PSD3: variants seen among roughly 807,000 people sequenced by gnomAD.
The protein encoded by PSD3 is pleckstrin and Sec7 domain containing 3.
In PSD3, 49 loss-of-function variants were observed where a neutral mutation model predicts 105.5. The ratio of observed to expected loss-of-function variants is 0.46; its 90% confidence interval spans 0.37 to 0.59. PSD3 has a LOEUF of 0.59. Among genes scored for constraint, PSD3 ranks in the 20% least tolerant of loss-of-function variants. The pLI, the probability that PSD3 is intolerant of heterozygous loss-of-function variation, is 0.00. For missense variants in PSD3, 1,561 were observed against 1,263.8 expected (o/e 1.24, Z -3.57); for synonymous variants, 557 against 457.8 (o/e 1.22, Z -2.77).
At chr8:19,049,484 G>C (rs1828440677) in intron 1 of PSD3, among the ~76,000 whole-genome samples, 1 of 152,052 alleles carries the variant, frequency 6.6e-6, no homozygotes, top group East Asian at 1.9e-4. Flanking sequence ...GAGGCCAGAA[G>C]TTCAGGACCA....
At position 18,787,361 on chromosome 8, in the gene PSD3, G is replaced by T. The variant is rs548619240; in HGVS notation, c.2082+11934C>A. Among the ~76,000 whole-genome samples the T allele has an allele frequency of 1.5e-4, 23 of 152,234 alleles. 1 individual carries two copies. In the South Asian group the frequency reaches 3.9e-3, roughly 26 times the overall value. Reference sequence around the variant, plus strand: ...TGATGCATTGAGAGGTACAGAAATGGTACCTTGAAATCAATATATTTTCTA... The same window carrying T: ...TGATGCATTGAGAGGTACAGAAATGTTACCTTGAAATCAATATATTTTCTA... On this transcript the variant is annotated intron_variant, in intron 8 of 15. Transcript: ENST00000327040.
chr8:18,872,388 T>A lies in PSD3; in HGVS notation c.476A>T (p.Asp159Val). Reference protein sequence around the residue: ...TLQATKVLDQDAVSSFSVQQV... With the variant: ...TLQATKVLDQVAVSSFSVQQV... ...CTGAACTGAAAAACTAGAAACAGCA[T>A]CTTGGTCCAGTACCTTTGTAGCCTG... The change falls in exon 3 of 16, where the codon GAT (aspartate) becomes GTT (valine). Residue 159 changes from aspartate (D) to valine (V), a missense_variant. Transcript: ENST00000327040. 1 of 1,614,178 alleles carries A rather than the reference T, an allele frequency of 6.2e-7. No homozygotes were observed. Among genetic ancestry groups the A allele is most frequent in the Non-Finnish European group, 8.5e-7 (1 of 1,180,028 alleles).
At chr8:18,893,532 A>G (rs1238633699) in intron 2 of PSD3, among the ~76,000 whole-genome samples, 1 of 152,016 alleles carries the variant, frequency 6.6e-6, no homozygotes, top group African/African-American at 2.4e-5. Context: ...TTCTTCAAAC[A>G]GTCTAGTTTC....
intron 9 of PSD3, chr8:18,684,243 CACACACA>C (rs761688778): frequency 1.0e-4 from 21 of 210,808 alleles, no homozygotes; most frequent in South Asian, 1.4e-4. Flanking sequence ...CACACACACA[CACACACA>C]CCCCATCATA....
rs1799671355 is a variant in PSD3 at position 18,532,435 on chromosome 8, T to TC, written c.*3307_*3308insG. ...TCATTTTCTAGATTAGGATAACAGT[T>TC]GGAGACGCATAGAGGGTCTTGTGTT... On this transcript the variant is annotated 3_prime_UTR_variant, in exon 16 of 16. Transcript: ENST00000327040. 6.6e-6 allele frequency: 1 copy of TC among 152,198 alleles called. No individual in the cohort carries two copies. Among genetic ancestry groups the TC allele is most frequent in the Non-Finnish European group, 1.5e-5 (1 of 68,042 alleles). The allele number at this position is 152,198 out of a possible 1,614,324, so 9.4% of individuals were successfully genotyped here. A position where few individuals can be genotyped will look rare whatever the true frequency, so the allele number is the denominator to read the frequency against.
Position 18,592,689 on chromosome 8 carries a change from A to AAAAC in PSD3, c.2481+7671_2481+7674dup, listed in dbSNP as rs548763897. ...TGATGATATGTTCAAGGTGCTCAAA[A>AAAAC]AAACAAACAAACAAACAAACAAACA... On this transcript the variant is annotated intron_variant, in intron 12 of 15. Transcript: ENST00000327040. 1.8e-3 allele frequency among the ~76,000 whole-genome samples: 267 copies of AAAAC among 145,630 alleles called. 1 individual carries two copies. Among genetic ancestry groups the AAAAC allele is most frequent in the East Asian group, 3.9e-3 (20 of 5,186 alleles).
At chr8:18,560,229 GCAA>G (rs775791430) in intron 14 of PSD3, among the ~76,000 whole-genome samples, 20 of 145,702 alleles carry the variant, frequency 1.4e-4, no homozygotes, top group Non-Finnish European at 2.4e-4. Flanking sequence ...AACAACAACA[GCAA>G]CAACAACAAA....
chr8:18,539,716 T>C (rs1304994805), intron 15 of PSD3, among the ~76,000 whole-genome samples: 1 of 151,790 alleles, frequency 6.6e-6, no homozygotes, highest in Non-Finnish European at 1.5e-5. Flanking sequence ...CCCGACTAAT[T>C]TTTTTTGTGT....
chr8:18,872,399 T>A lies in PSD3; in HGVS notation c.465A>T (p.Val155=). 1 of 1,614,222 alleles carries A rather than the reference T, an allele frequency of 6.2e-7. No individual in the cohort carries two copies. The highest frequency in any genetic ancestry group is 2.2e-5 in the East Asian group (1 of 44,894). Residue 155 remains valine (V), a synonymous_variant, in exon 3 of 16, where the codon GTA becomes GTT. Transcript: ENST00000327040. ...AACTAGAAACAGCATCTTGGTCCAGTACCTTTGTAGCCTGTAATGTTCCGG... is the reference window on the plus strand; with the variant it reads ...AACTAGAAACAGCATCTTGGTCCAGAACCTTTGTAGCCTGTAATGTTCCGG... ...IISGTLQATK[V]LDQDAVSSFS...
intron 9 of PSD3, among the ~76,000 whole-genome samples, chr8:18,758,364 G>C (rs1345606855): frequency 1.3e-5 from 2 of 151,744 alleles, no homozygotes; most frequent in East Asian, 1.9e-4. Context: ...TCTTCTCCCT[G>C]GCTGAAAGGG....
intron 1 of PSD3, among the ~76,000 whole-genome samples, chr8:19,050,124 T>C (rs7830708): frequency 0.11 from 16,555 of 152,202 alleles, 2,841 homozygotes; most frequent in African/African-American, 0.37. Flanking sequence ...AAGGAGGCCA[T>C]GTCAGCTCTG....
intron 1 of PSD3, among the ~76,000 whole-genome samples, chr8:18,984,012 A>T (rs1304512737): frequency 4.1e-4 from 23 of 56,690 alleles, no homozygotes; most frequent in African/African-American, 1.0e-3. Context: ...CTCATTATTT[A>T]AAAAAAAAAA....
chr8:18,592,899 C>G (rs1279130290), intron 12 of PSD3, among the ~76,000 whole-genome samples: 3 of 152,110 alleles, frequency 2.0e-5, no homozygotes, highest in African/African-American at 7.2e-5. Flanking sequence ...ACAAATGGTG[C>G]TGGGAAAACT....
At chr8:18,720,596 A>C (rs373333238) in intron 9 of PSD3, among the ~76,000 whole-genome samples, 41 of 152,294 alleles carry the variant, frequency 2.7e-4, no homozygotes, top group African/African-American at 9.6e-4. Context: ...CCAAAAAGTG[A>C]AATGAAAATT....
At chr8:18,722,336 C>A (rs1307921533) in intron 9 of PSD3, among the ~76,000 whole-genome samples, 1 of 152,156 alleles carries the variant, frequency 6.6e-6, no homozygotes, top group South Asian at 2.1e-4. Context: ...CTTTTTAGAG[C>A]TGGCAAATAG....
At chr8:18,848,458 C>A (rs934544449) in intron 4 of PSD3, among the ~76,000 whole-genome samples, 1 of 152,136 alleles carries the variant, frequency 6.6e-6, no homozygotes, top group Non-Finnish European at 1.5e-5. Flanking sequence ...CTGGGTGCCA[C>A]AGGAAGAGAT....
At chr8:18,921,534 G>A (rs961824280) in intron 2 of PSD3, among the ~76,000 whole-genome samples, 1 of 152,134 alleles carries the variant, frequency 6.6e-6, no homozygotes, top group African/African-American at 2.4e-5. Context: ...CTAGTTTTGT[G>A]GGTCCTGAAA....
intron 1 of PSD3, among the ~76,000 whole-genome samples, chr8:18,968,296 G>A (rs1386628785): frequency 6.6e-6 from 1 of 152,240 alleles, no homozygotes; most frequent in East Asian, 1.9e-4. Context: ...TGACACTGAG[G>A]CAAAGTTTAC....
chr8:18,618,676 T>C (rs779158300), intron 11 of PSD3, among the ~76,000 whole-genome samples: 12 of 150,030 alleles, frequency 8.0e-5, no homozygotes, highest in Non-Finnish European at 1.5e-4. Flanking sequence ...CTTAAGGTTT[T>C]TGCATTTTTT....
Sources: gnomAD v4.1 joint callset for allele counts (sites outside exome capture counted in the v4.1 genomes callset) on GRCh38, gnomAD v4.1.1 for gene constraint, MANE v1.5 for transcripts, NCBI Gene and HGNC (gene_info 2026-07-23, HGNC 2026-07-21) for gene names.